NUP210L: variants seen among roughly 807,000 people sequenced by gnomAD.
NUP210L encodes the protein nucleoporin 210 like.
A neutral mutation model predicts 208.5 loss-of-function variants in NUP210L; 74 were observed. The observed-to-expected ratio is 0.35, with a 90% CI of 0.29 to 0.43. The LOEUF (loss-of-function observed/expected upper bound fraction) is 0.43, where lower values mean the gene tolerates loss of function less well. NUP210L is among the 20% of genes least tolerant of loss of function. NUP210L has a pLI of 1.00. For synonymous variants in NUP210L, 780 were observed against 816.9 expected, an observed-to-expected ratio of 0.95 and a Z score of 0.77; for missense variants, 1,843 against 2,289.4, an observed-to-expected ratio of 0.81 and a Z score of 3.98.
intron 16 of NUP210L, among the ~76,000 whole-genome samples, chr1:154,075,494 G>A (rs1654983814): frequency 6.6e-6 from 1 of 151,978 alleles, no homozygotes; most frequent in South Asian, 2.1e-4. Context: ...ACTAAGCAGA[G>A]ACTTTTAGTG....
chr1:154,066,111 G>C (rs1654402269), intron 17 of NUP210L, among the ~76,000 whole-genome samples: 1 of 151,998 alleles, frequency 6.6e-6, no homozygotes, highest in South Asian at 2.1e-4. Flanking sequence ...GAATCTCTGG[G>C]ACACATTTAA....
chr1:154,129,733 G>C (rs1658151451), intron 7 of NUP210L, among the ~76,000 whole-genome samples: 1 of 152,244 alleles, frequency 6.6e-6, no homozygotes, highest in South Asian at 2.1e-4. Context: ...GGGATGAACT[G>C]TTGATGGAGG....
intron 1 of NUP210L, among the ~76,000 whole-genome samples, chr1:154,154,035 T>C (rs1273877953): frequency 3.9e-5 from 6 of 152,158 alleles, no homozygotes; most frequent in Admixed American, 6.6e-5. Context: ...TAACCCATCA[T>C]TGGGTCCTCT....
intron 33 of NUP210L, among the ~76,000 whole-genome samples, chr1:154,014,874 C>T (rs1347625478): frequency 1.3e-5 from 2 of 152,072 alleles, no homozygotes; most frequent in Admixed American, 1.3e-4. Context: ...TGTGGTGGCA[C>T]ACACCTGTAG....
chr1:153,999,193 G>A (rs1370627026), intron 37 of NUP210L, among the ~76,000 whole-genome samples: 1 of 152,176 alleles, frequency 6.6e-6, no homozygotes, highest in Non-Finnish European at 1.5e-5. Context: ...ATAGTTCCCA[G>A]TAATTAAGTA....
At position 154,139,752 on chromosome 1, in the gene NUP210L, A is replaced by T. The variant is rs751329670; in HGVS notation, c.717+50T>A. ...AGTACCTGGGCAACAGAGTTAGACCATATCTTGAAAAAACAAGTAAGGAAA... is the reference window on the plus strand; with the variant it reads ...AGTACCTGGGCAACAGAGTTAGACCTTATCTTGAAAAAACAAGTAAGGAAA... On this transcript the variant is annotated intron_variant, in intron 5 of 39. Coordinates refer to ENST00000368559, the Ensembl canonical transcript of NUP210L. 4.8e-6 allele frequency: 7 copies of T among 1,464,804 alleles called. No homozygotes were observed. In the South Asian group the frequency reaches 8.2e-5, roughly 17 times the overall value. 90.7% of individuals were successfully genotyped at this position (1,464,804 alleles called of 1,614,324 possible).
In NUP210L at chr1:154,118,821, G is replaced by A. The variant is rs1273187613; in HGVS notation, c.1327-13C>T. 22 of 1,479,952 alleles carry A rather than the reference G, an allele frequency of 1.5e-5. No individual in the cohort carries two copies. The highest frequency in any genetic ancestry group is 3.7e-5 in the South Asian group (3 of 82,102). 91.7% of individuals were successfully genotyped at this position (1,479,952 alleles called of 1,614,324 possible). A position where few individuals can be genotyped will look rare whatever the true frequency, so the allele number is the denominator to read the frequency against. On this transcript the variant is annotated splice_polypyrimidine_tract_variant and intron_variant, in intron 10 of 39. Transcript: ENST00000368559. ...GAATATCTTTATTCTATAAGAGCAG[G>A]AAAAAAGGAGCAAAATATATTTATA...
intron 37 of NUP210L, chr1:153,995,521 CT>C (rs1649796655): frequency 1.6e-6 from 1 of 612,934 alleles, no homozygotes; most frequent in Admixed American, 2.4e-5. Context: ...AATTCTTGAG[CT>C]TGTTATTTCT....
chr1:154,127,159 G>T (rs560834587), intron 9 of NUP210L, 152 bp downstream of exon 9: 150 of 418,990 alleles, frequency 3.6e-4, no homozygotes, highest in Non-Finnish European at 5.6e-4. Flanking sequence ...GAGAATTAAT[G>T]ATAATAATAA....
chr1:154,035,914 T>C (rs553129729), intron 27 of NUP210L, among the ~76,000 whole-genome samples: 2 of 151,978 alleles, frequency 1.3e-5, no homozygotes, highest in South Asian at 2.1e-4. Flanking sequence ...TTTGTATTTT[T>C]AGTAGAGACA....
At chr1:154,130,103 C>T (rs1246496839) in intron 7 of NUP210L, among the ~76,000 whole-genome samples, 1 of 151,980 alleles carries the variant, frequency 6.6e-6, no homozygotes, top group East Asian at 1.9e-4. Context: ...CTTTGGGAGG[C>T]CGAGGTGGGT....
In NUP210L at chr1:154,023,485, C is replaced by CT. The variant is rs1036407267; in HGVS notation, c.4123-189dup. 7.2e-4 allele frequency among the ~76,000 whole-genome samples: 108 copies of CT among 149,262 alleles called. 1 individual carries two copies. The highest frequency in any genetic ancestry group is 7.1e-3 in the South Asian group (33 of 4,672). ...GCATAGCAGCATAGGAAATTCTTTT[C>CT]TTTTTTTTTTGAGACAGAATCTCAC... On this transcript the variant is annotated intron_variant, in intron 30 of 39. Coordinates refer to ENST00000368559, the Ensembl canonical transcript of NUP210L.
chr1:154,023,978 T>G (rs939170909), intron 30 of NUP210L, among the ~76,000 whole-genome samples: 2 of 151,054 alleles, frequency 1.3e-5, no homozygotes, highest in African/African-American at 4.9e-5. Context: ...TTAGTAGAGA[T>G]GGGGGTTTCA....
chr1:153,996,288 T>C (rs568015118), intron 37 of NUP210L, among the ~76,000 whole-genome samples: 6 of 152,290 alleles, frequency 3.9e-5, no homozygotes, highest in Admixed American at 3.9e-4. Context: ...CCAGACTCTA[T>C]TTCAAACAAA....
At chr1:154,067,378 C>T (rs12139571) in intron 17 of NUP210L, among the ~76,000 whole-genome samples, 27,312 of 152,054 alleles carry the variant, frequency 0.18, 3,235 homozygotes, top group Non-Finnish European at 0.26. Context: ...GAAAGGCCTT[C>T]GACAAAATTC....
intron 13 of NUP210L, among the ~76,000 whole-genome samples, chr1:154,100,415 C>T (rs1308911636): frequency 6.8e-6 from 1 of 147,546 alleles, no homozygotes; most frequent in African/African-American, 2.5e-5. Flanking sequence ...TGCACCACTA[C>T]ACCCCAGCCT....
intron 10 of NUP210L, among the ~76,000 whole-genome samples, chr1:154,125,620 TGAAAGGAAGGAAGGAAGGAAGGAAGGAA>T (rs1657860511): frequency 6.2e-5 from 4 of 64,244 alleles, no homozygotes; most frequent in African/African-American, 1.4e-4. Context: ...AGGCCCTCTC[TGAAAGGAAGGAAGGAAGGAAGGAAGGAA>T]GGAAGGAAGG....
intron 32 of NUP210L, among the ~76,000 whole-genome samples, chr1:154,021,486 T>G (rs1651560199): frequency 6.6e-6 from 1 of 151,268 alleles, no homozygotes; most frequent in Non-Finnish European, 1.5e-5. Flanking sequence ...AGAGTGAGAC[T>G]CTGTCTCTAA....
chr1:154,069,560 G>C (rs1448124569), intron 17 of NUP210L, among the ~76,000 whole-genome samples: 3 of 152,214 alleles, frequency 2.0e-5, no homozygotes, highest in Admixed American at 6.6e-5. Context: ...AGATGCTGGA[G>C]AGGATGTGGA....
Sources: allele counts gnomAD v4.1 joint callset (sites outside exome capture counted in the v4.1 genomes callset), GRCh38; gene constraint gnomAD v4.1.1; transcripts MANE v1.5; gene names NCBI Gene and HGNC (gene_info 2026-07-23, HGNC 2026-07-21).